Variants in FAM124B observed in about 807,000 individuals in gnomAD.
The protein encoded by FAM124B is protein FAM124B.
In FAM124B, 18 loss-of-function variants were observed where a neutral mutation model predicts 19.7. The observed-to-expected ratio is 0.92, with a 90% CI of 0.63 to 1.36. FAM124B has a LOEUF of 1.36. Among genes scored for constraint, FAM124B ranks in the 40% most tolerant of loss-of-function variants. The pLI is 0.00. For synonymous variants in FAM124B, 223 were observed against 225.2 expected, an observed-to-expected ratio of 0.99 and a Z score of 0.09; for missense variants, 540 against 553.3, an observed-to-expected ratio of 0.98 and a Z score of 0.24.
At chr2:224,400,972 C>T in intron 1 of FAM124B, 65 bp downstream of exon 1, 1 of 1,520,760 alleles carries the variant, frequency 6.6e-7, no homozygotes, top group Non-Finnish European at 8.8e-7. Context: ...TAGCTTAGGC[C>T]CATTCCGATG....
At position 224,379,408 on chromosome 2, in the gene FAM124B, G is replaced by T; in HGVS notation, c.*165C>A. The T allele has an allele frequency of 2.0e-6, 2 of 985,630 alleles. No homozygotes were observed. The highest frequency in any genetic ancestry group is 2.8e-6 in the Non-Finnish European group (2 of 702,420). 61.1% of individuals were successfully genotyped at this position (985,630 alleles called of 1,614,324 possible). A position where few individuals can be genotyped will look rare whatever the true frequency, so the allele number is the denominator to read the frequency against. ...GACGGCAAATAAACAATCATTCCCA[G>T]CACCTTTAGACTTTGAACATTTGAA... On this transcript the variant is annotated 3_prime_UTR_variant, in exon 2 of 2. Coordinates refer to ENST00000409685, the MANE Select transcript of FAM124B (RefSeq NM_001122779.2).
chr2:224,380,049 G>A lies in FAM124B; in HGVS notation c.892C>T (p.Pro298Ser), dbSNP rs972144765. The stretch of plus-strand genomic sequence containing the variant: ...GATGTGGGGCTCCCACTGGGCTCAG[G>A]AAGCTCCAGAGAATGCCCCTGGGAC... ...KRSQGHSLEL[P>S]EPSGSPTSDR... is the part of the protein sequence containing the mutation. Residue 298 changes from proline (P) to serine (S), a missense_variant, in exon 2 of 2, where the codon CCT becomes TCT. Coordinates refer to ENST00000409685, the MANE Select transcript of FAM124B (RefSeq NM_001122779.2). The A allele has an allele frequency of 7.1e-6, 11 of 1,551,564 alleles. No individual in the cohort carries two copies. Among genetic ancestry groups the A allele is most frequent in the African/African-American group, 1.4e-5 (1 of 73,034 alleles).
chr2:224,400,961 C>T (rs1033968098), intron 1 of FAM124B, 76 bp downstream of exon 1: 2 of 1,501,998 alleles, frequency 1.3e-6, no homozygotes, highest in African/African-American at 2.8e-5. Flanking sequence ...CTGAGAACCA[C>T]TAGCTTAGGC....
At chr2:224,380,734 A>G (rs7564016) in intron 1 of FAM124B, among the ~76,000 whole-genome samples, 21,226 of 152,252 alleles carry the variant, frequency 0.14, 1,564 homozygotes, top group East Asian at 0.24. Context: ...ACCACTCCAG[A>G]CGGCTAATAA....
In FAM124B at chr2:224,401,707, C is replaced by T; in HGVS notation, c.62G>A (p.Gly21Asp). Residue 21 changes from glycine (G) to aspartate (D), a missense_variant, in exon 1 of 2, where the codon GGC becomes GAC. By Grantham distance (94) the Gly-to-Asp change is moderately conservative. Transcript: ENST00000409685. ...GTCCAGAGTCCTCTGCAGAAGGGAG[C>T]CGTGCCCAGAGTTGGCAAGAAGATG... ...TVHLLANSGH[G>D]SLLQRTLDQL... The T allele has an allele frequency of 6.2e-7, 1 of 1,614,124 alleles. No individual in the cohort carries two copies. The highest frequency in any genetic ancestry group is 8.5e-7 in the Non-Finnish European group (1 of 1,180,028).
chr2:224,381,747 G>T (rs376769190), intron 1 of FAM124B, among the ~76,000 whole-genome samples: 1 of 152,140 alleles, frequency 6.6e-6, no homozygotes, highest in Non-Finnish European at 1.5e-5. Context: ...CTCTGATAAA[G>T]GATGTTGACA....
chr2:224,380,434 A>G (rs16865908), intron 1 of FAM124B, among the ~76,000 whole-genome samples: 7,491 of 152,250 alleles, frequency 0.049, 200 homozygotes, highest in Non-Finnish European at 0.058. Context: ...GTTTTTGACA[A>G]GGGTAAGACT....
intron 1 of FAM124B, among the ~76,000 whole-genome samples, chr2:224,394,615 A>G (rs542288468): frequency 2.8e-4 from 42 of 152,258 alleles, no homozygotes; most frequent in African/African-American, 1.0e-3. Flanking sequence ...AGGTATGAGC[A>G]TGTCTGCCCC....
chr2:224,398,284 CAG>C (rs1413964603), intron 1 of FAM124B, among the ~76,000 whole-genome samples: 2 of 152,036 alleles, frequency 1.3e-5, no homozygotes, highest in East Asian at 1.9e-4. Flanking sequence ...TTTCAGTAGA[CAG>C]GGGGATTTAC....
At chr2:224,398,842 G>A (rs1690017154) in intron 1 of FAM124B, among the ~76,000 whole-genome samples, 1 of 152,166 alleles carries the variant, frequency 6.6e-6, no homozygotes, top group Admixed American at 6.5e-5. Context: ...TGGGCATGTT[G>A]GCAGGCACCT....
At position 224,386,422 on chromosome 2, in the gene FAM124B, G is replaced by A. The variant is rs926252539; in HGVS notation, c.733-6214C>T. Among the ~76,000 whole-genome samples the A allele has an allele frequency of 2.6e-5, 4 of 152,090 alleles. No homozygotes were observed. In the East Asian group the frequency reaches 7.7e-4, roughly 29 times the overall value. On this transcript the variant is annotated intron_variant, in intron 1 of 1. Coordinates refer to ENST00000409685, the MANE Select transcript of FAM124B (RefSeq NM_001122779.2). ...TAAATATCAACTCTGCCACTTATTA[G>A]CAGTAGGATTTTAGACCACTTACTT...
At chr2:224,385,527 C>T (rs988927859) in intron 1 of FAM124B, among the ~76,000 whole-genome samples, 1 of 152,168 alleles carries the variant, frequency 6.6e-6, no homozygotes, top group Non-Finnish European at 1.5e-5. Flanking sequence ...CAGTTAGCGT[C>T]TAAATGATGA....
At position 224,379,871 on chromosome 2, in the gene FAM124B, A is replaced by T. The variant is rs1223054450; in HGVS notation, c.1070T>A (p.Leu357His). 6.4e-7 allele frequency: 1 copy of T among 1,551,984 alleles called. No homozygotes were observed. Among genetic ancestry groups the T allele is most frequent in the Non-Finnish European group, 8.7e-7 (1 of 1,147,096 alleles). The part of the protein sequence containing the change: ...VLNRENSFQK[L>H]EAETNVDTGL... ...GGTGTCAACATTCGTCTCGGCCTCA[A>T]GCTTCTGAAAGCTGTTTTCCCGGTT... The change falls in exon 2 of 2, where the codon CTT (leucine) becomes CAT (histidine). Residue 357 changes from leucine (L) to histidine (H), a missense_variant. Coordinates refer to ENST00000409685, the MANE Select transcript of FAM124B (RefSeq NM_001122779.2).
At chr2:224,385,952 C>T (rs939206752) in intron 1 of FAM124B, among the ~76,000 whole-genome samples, 1 of 152,170 alleles carries the variant, frequency 6.6e-6, no homozygotes, top group African/African-American at 2.4e-5. Context: ...CCCACATATG[C>T]TGTCACCTCC....
intron 1 of FAM124B, among the ~76,000 whole-genome samples, chr2:224,393,231 GC>G (rs1370746865): frequency 1.3e-5 from 2 of 152,138 alleles, no homozygotes; most frequent in Admixed American, 6.6e-5. Flanking sequence ...CAGAGGTGAG[GC>G]CCCAGGACTG....
chr2:224,380,441 G>A (rs1056745205), intron 1 of FAM124B, among the ~76,000 whole-genome samples: 1 of 152,196 alleles, frequency 6.6e-6, no homozygotes, highest in African/African-American at 2.4e-5. Context: ...ACAAGGGTAA[G>A]ACTTTGGGAA....
intron 1 of FAM124B, among the ~76,000 whole-genome samples, chr2:224,400,678 A>G (rs1296433749): frequency 2.6e-5 from 4 of 152,136 alleles, no homozygotes; most frequent in Non-Finnish European, 2.9e-5. Context: ...AAGGAGGCCG[A>G]TTCTTTAATA....
intron 1 of FAM124B, among the ~76,000 whole-genome samples, chr2:224,383,180 T>A (rs967175741): frequency 6.6e-6 from 1 of 152,186 alleles, no homozygotes; most frequent in Non-Finnish European, 1.5e-5. Context: ...GACCTCCTGA[T>A]TTCATCAGGT....
In FAM124B at chr2:224,401,651, G is replaced by T. The variant is rs201610226; in HGVS notation, c.118C>A (p.Arg40=). ...QLLDCICPEV[R]LFQVSERASP... The stretch of plus-strand genomic sequence containing the variant: ...GCCCGTTCAGACACCTGAAAGAGCC[G>T]GACCTCTGGGCAAATGCAATCCAGG... Residue 40 remains arginine, a synonymous_variant, in exon 1 of 2, where the codon CGG becomes AGG. Transcript: ENST00000409685. 8 of 1,614,064 alleles carry T rather than the reference G, an allele frequency of 5.0e-6. No homozygotes were observed. The highest frequency in any genetic ancestry group is 5.9e-6 in the Non-Finnish European group (7 of 1,180,038).
Sources: gnomAD v4.1 joint callset for allele counts (sites outside exome capture counted in the v4.1 genomes callset) on GRCh38, gnomAD v4.1.1 for gene constraint, MANE v1.5 for transcripts, NCBI Gene and HGNC (gene_info 2026-07-23, HGNC 2026-07-21) for gene names.